DNAJC3: variants seen among roughly 807,000 people sequenced by gnomAD.
The protein encoded by DNAJC3 is dnaJ homolog subfamily C member 3.
A neutral mutation model predicts 68.6 loss-of-function variants in DNAJC3; 38 were observed. That is an observed-to-expected ratio of 0.55 (90% CI 0.43 to 0.73). DNAJC3 has a LOEUF of 0.73. Ranked by LOEUF, DNAJC3 falls within the 30% of genes least tolerant of loss-of-function variation. The pLI is 0.00. For missense variants in DNAJC3, 526 were observed against 591.9 expected (o/e 0.89, Z 1.16); for synonymous variants, 203 against 204.0 (o/e 1.00, Z 0.04).
In DNAJC3 at chr13:95,688,304, G is replaced by A. The variant is rs1008736118; in HGVS notation, c.82+10967G>A. 3.9e-5 allele frequency among the ~76,000 whole-genome samples: 6 copies of A among 151,928 alleles called. No homozygotes were observed. In the South Asian group the frequency reaches 1.2e-3, roughly 31 times the overall value. On this transcript the variant is annotated intron_variant, in intron 1 of 11. Transcript: ENST00000602402. ...CTGATTGCTCTGGTTAAGACTTCCA[G>A]TACTGTGGCAAATAGGAGTGGTGAG... is the stretch of plus-strand genomic sequence containing the variant.
intron 4 of DNAJC3, among the ~76,000 whole-genome samples, chr13:95,750,873 G>A (rs541814320): frequency 6.6e-6 from 1 of 152,102 alleles, no homozygotes; most frequent in East Asian, 1.9e-4. Flanking sequence ...AGTATTCTTA[G>A]TACTAGATGA....
intron 2 of DNAJC3, among the ~76,000 whole-genome samples, chr13:95,710,455 T>G (rs1169480020): frequency 6.6e-6 from 1 of 152,118 alleles, no homozygotes; most frequent in Non-Finnish European, 1.5e-5. Flanking sequence ...GGTCTGAAAC[T>G]CGTGGGCTCA....
chr13:95,690,878 C>T (rs1459572628), intron 1 of DNAJC3, among the ~76,000 whole-genome samples: 1 of 142,314 alleles, frequency 7.0e-6, no homozygotes, highest in African/African-American at 2.6e-5. Context: ...GGCAGAGGCG[C>T]CCCTCACTTC....
At chr13:95,771,161 TG>T in intron 9 of DNAJC3, among the ~76,000 whole-genome samples, 1 of 152,174 alleles carries the variant, frequency 6.6e-6, no homozygotes, top group Admixed American at 6.5e-5. Flanking sequence ...TACTTCAACT[TG>T]TATATCATTA....
chr13:95,726,003 C>T (rs984886300), intron 4 of DNAJC3, among the ~76,000 whole-genome samples: 2 of 151,892 alleles, frequency 1.3e-5, no homozygotes, highest in African/African-American at 4.8e-5. Context: ...AGGACATGAA[C>T]TCTTCATTTT....
chr13:95,715,154 C>G (rs373822718), intron 2 of DNAJC3, among the ~76,000 whole-genome samples: 4 of 152,246 alleles, frequency 2.6e-5, no homozygotes, highest in Non-Finnish European at 4.4e-5. Flanking sequence ...TGAGCACTTT[C>G]GAAGGCTGAG....
chr13:95,766,799 CAAGCA>C (rs1566507841), intron 9 of DNAJC3, among the ~76,000 whole-genome samples: 3 of 151,798 alleles, frequency 2.0e-5, no homozygotes, highest in African/African-American at 7.3e-5. Context: ...GGTCCCGGTT[CAAGCA>C]ATTCTCCTGC....
At chr13:95,726,868 A>G (rs139470380) in intron 4 of DNAJC3, among the ~76,000 whole-genome samples, 40 of 152,370 alleles carry the variant, frequency 2.6e-4, no homozygotes, top group African/African-American at 9.4e-4. Context: ...TTCTAACATT[A>G]TCATAACACT....
chr13:95,723,101 C>T (rs1881388900), intron 2 of DNAJC3, 141 bp from the exon 3 acceptor site: 5 of 800,250 alleles, frequency 6.2e-6, no homozygotes, highest in Non-Finnish European at 9.2e-6. Flanking sequence ...GGCAACATGA[C>T]TCTTTTTTGA....
intron 9 of DNAJC3, among the ~76,000 whole-genome samples, chr13:95,771,275 C>A (rs554847046): frequency 3.0e-4 from 46 of 152,218 alleles, no homozygotes; most frequent in African/African-American, 1.1e-3. Context: ...AGGTCTGATA[C>A]CCATGCGACA....
chr13:95,760,349 A>G (rs1566503996), intron 6 of DNAJC3, 128 bp downstream of exon 6: 1 of 855,364 alleles, frequency 1.2e-6, no homozygotes. Context: ...TATATTGTAT[A>G]TCCATTTATA....
chr13:95,694,745 C>G (rs1880383377), intron 1 of DNAJC3: 1 of 152,628 alleles, frequency 6.6e-6, no homozygotes, highest in Non-Finnish European at 1.5e-5. Flanking sequence ...CACCGGACAC[C>G]TTAACTGCTT....
intron 1 of DNAJC3, among the ~76,000 whole-genome samples, chr13:95,705,012 C>G (rs1880692302): frequency 6.6e-6 from 1 of 151,910 alleles, no homozygotes. Context: ...CCACCACATC[C>G]AGCTAATCTC....
intron 4 of DNAJC3, among the ~76,000 whole-genome samples, chr13:95,729,111 AT>A: frequency 6.6e-6 from 1 of 152,116 alleles, no homozygotes; most frequent in South Asian, 2.1e-4. Context: ...AGTTCCATCC[AT>A]GTGGCTGCAT....
At chr13:95,713,337 T>G (rs1312430225) in intron 2 of DNAJC3, among the ~76,000 whole-genome samples, 2 of 152,140 alleles carry the variant, frequency 1.3e-5, no homozygotes, top group African/African-American at 4.8e-5. Context: ...GGCCACTCAC[T>G]AGATAACAAA....
At chr13:95,714,383 T>C (rs1479414226) in intron 2 of DNAJC3, among the ~76,000 whole-genome samples, 4 of 150,854 alleles carry the variant, frequency 2.7e-5, no homozygotes, top group East Asian at 3.9e-4. Flanking sequence ...AGACTCTGTC[T>C]GTCTCCTTCT....
intron 9 of DNAJC3, among the ~76,000 whole-genome samples, chr13:95,784,641 C>T (rs17885462): frequency 0.013 from 1,961 of 152,240 alleles, 40 homozygotes; most frequent in African/African-American, 0.045. Flanking sequence ...ACAAACAGTT[C>T]AGGCATGAGT....
chr13:95,776,140 A>G (rs1020757045), intron 9 of DNAJC3, among the ~76,000 whole-genome samples: 5 of 152,058 alleles, frequency 3.3e-5, no homozygotes, highest in African/African-American at 7.2e-5. Context: ...TAAAAATTTA[A>G]TATAATGTCT....
At chr13:95,752,176 A>T (rs116611647) in intron 4 of DNAJC3, among the ~76,000 whole-genome samples, 212 of 152,274 alleles carry the variant, frequency 1.4e-3, no homozygotes, top group African/African-American at 4.8e-3. Context: ...TGTCTAGGAC[A>T]GTGGTTCTTG....
Sources: gnomAD v4.1 joint callset for allele counts (sites outside exome capture counted in the v4.1 genomes callset) on GRCh38, gnomAD v4.1.1 for gene constraint, MANE v1.5 for transcripts, NCBI Gene and HGNC (gene_info 2026-07-23, HGNC 2026-07-21) for gene names.